Variants in EPHA6 observed in about 807,000 individuals in gnomAD.
The protein encoded by EPHA6 is ephrin type-A receptor 6.
In EPHA6, 50 loss-of-function variants were observed where a neutral mutation model predicts 112.0. The ratio of observed to expected loss-of-function variants is 0.45; its 90% confidence interval spans 0.36 to 0.56. The LOEUF (loss-of-function observed/expected upper bound fraction) is 0.56. Ranked by LOEUF, EPHA6 falls within the 20% of genes least tolerant of loss-of-function variation. The pLI is 0.00. For missense variants in EPHA6, 1,280 were observed against 1,417.4 expected (o/e 0.90, Z 1.56); for synonymous variants, 529 against 490.7 (o/e 1.08, Z -1.03).
In EPHA6 at chr3:97,218,209, T is replaced by C. The variant is rs568301972; in HGVS notation, c.1115-8055T>C. 2.6e-5 allele frequency among the ~76,000 whole-genome samples: 4 copies of C among 151,952 alleles called. No homozygotes were observed. In the South Asian group the frequency reaches 6.3e-4, roughly 24 times the overall value. On this transcript the variant is annotated intron_variant, in intron 3 of 17. Transcript: ENST00000389672. ...CCACCTGAGCTTGGGAGGTGGAGGC[T>C]GCAGTAAGCTGTGATCATGCCACTG...
At chr3:97,554,263 T>C (rs1388950441) in intron 11 of EPHA6, among the ~76,000 whole-genome samples, 1 of 152,170 alleles carries the variant, frequency 6.6e-6, no homozygotes, top group Non-Finnish European at 1.5e-5. Context: ...TGATTATCCT[T>C]CTGCCATCCA....
chr3:96,841,717 C>T (rs2034760908), intron 1 of EPHA6, among the ~76,000 whole-genome samples: 1 of 133,290 alleles, frequency 7.5e-6, no homozygotes, highest in African/African-American at 3.8e-5. Flanking sequence ...GCATGTTGAA[C>T]TTTTGTCATT....
intron 11 of EPHA6, among the ~76,000 whole-genome samples, chr3:97,563,679 T>C (rs2093223348): frequency 6.6e-6 from 1 of 152,174 alleles, no homozygotes; most frequent in South Asian, 2.1e-4. Flanking sequence ...AGAAAGTTCC[T>C]GGTCCCAATA....
intron 6 of EPHA6, among the ~76,000 whole-genome samples, chr3:97,418,355 G>A (rs1577321910): frequency 6.6e-6 from 1 of 151,900 alleles, no homozygotes; most frequent in African/African-American, 2.4e-5. Context: ...TTTTCTAGAA[G>A]GAAGTATAAC....
At chr3:96,864,005 T>C (rs970317074) in intron 1 of EPHA6, among the ~76,000 whole-genome samples, 8 of 152,086 alleles carry the variant, frequency 5.3e-5, no homozygotes, top group African/African-American at 1.7e-4. Flanking sequence ...TTAAGTGAAG[T>C]ACATATTAAA....
At chr3:97,312,292 C>G (rs950748209) in intron 5 of EPHA6, among the ~76,000 whole-genome samples, 1 of 151,636 alleles carries the variant, frequency 6.6e-6, no homozygotes, top group East Asian at 1.9e-4. Flanking sequence ...ATTATACCAA[C>G]TAGGACCTCC....
intron 2 of EPHA6, among the ~76,000 whole-genome samples, chr3:96,978,849 C>T (rs2042635061): frequency 6.6e-6 from 1 of 151,842 alleles, no homozygotes; most frequent in African/African-American, 2.4e-5. Flanking sequence ...CACTTCAGAC[C>T]CTTCTCTCAT....
At chr3:97,377,770 C>A (rs1227362753) in intron 5 of EPHA6, among the ~76,000 whole-genome samples, 3 of 152,126 alleles carry the variant, frequency 2.0e-5, no homozygotes, top group Admixed American at 2.0e-4. Flanking sequence ...ATTTGTAGAA[C>A]TTTGAACTTG....
At chr3:97,100,632 A>T (rs2047376999) in intron 3 of EPHA6, among the ~76,000 whole-genome samples, 1 of 147,044 alleles carries the variant, frequency 6.8e-6, no homozygotes, top group Non-Finnish European at 1.5e-5. Context: ...TTAGTAAGTT[A>T]AGTAGGAACA....
intron 4 of EPHA6, 46 bp from the exon 5 acceptor site, chr3:97,243,906 C>T (rs2108581568): frequency 7.2e-7 from 1 of 1,387,352 alleles, no homozygotes; most frequent in African/African-American, 1.4e-5. Context: ...CGCCATAATT[C>T]ATTGTCCTAT....
chr3:97,017,499 T>C (rs1387437800), intron 3 of EPHA6, among the ~76,000 whole-genome samples: 1 of 152,136 alleles, frequency 6.6e-6, no homozygotes, highest in African/African-American at 2.4e-5. Flanking sequence ...GCTAAAGTGC[T>C]TGGGGGCCCC....
At chr3:97,644,843 G>A (rs1157860580) in intron 14 of EPHA6, among the ~76,000 whole-genome samples, 3 of 151,888 alleles carry the variant, frequency 2.0e-5, no homozygotes, top group South Asian at 4.2e-4. Flanking sequence ...ATTCACAGCC[G>A]AATTCTACCA....
intron 3 of EPHA6, among the ~76,000 whole-genome samples, chr3:97,070,062 G>C (rs1201280608): frequency 6.6e-6 from 1 of 152,000 alleles, no homozygotes; most frequent in Admixed American, 6.6e-5. Flanking sequence ...TTATCTCAGA[G>C]CACATGTCAG....
intron 5 of EPHA6, among the ~76,000 whole-genome samples, chr3:97,316,499 T>C (rs2081844758): frequency 6.6e-6 from 1 of 151,912 alleles, no homozygotes; most frequent in Non-Finnish European, 1.5e-5. Flanking sequence ...TGAAGTGTCA[T>C]GTGTTATTTA....
chr3:97,119,963 G>A (rs1160615188), intron 3 of EPHA6, among the ~76,000 whole-genome samples: 1 of 151,836 alleles, frequency 6.6e-6, no homozygotes, highest in East Asian at 1.9e-4. Context: ...CTGAATTCCG[G>A]AGTTGCAGCC....
intron 15 of EPHA6, among the ~76,000 whole-genome samples, chr3:97,725,373 A>AT (rs1216395835): frequency 1.3e-5 from 2 of 152,132 alleles, no homozygotes; most frequent in Non-Finnish European, 2.9e-5. Context: ...CTAGGTTTAT[A>AT]TGCCAGTCTG....
chr3:97,202,930 G>A (rs924541319), intron 3 of EPHA6, among the ~76,000 whole-genome samples: 8 of 152,104 alleles, frequency 5.3e-5, no homozygotes, highest in African/African-American at 1.9e-4. Context: ...GGATCAGTCT[G>A]AAAGCATGGA....
chr3:97,735,568 A>G lies in EPHA6; in HGVS notation c.2935-357A>G, dbSNP rs1380003508. 2.0e-5 allele frequency among the ~76,000 whole-genome samples: 3 copies of G among 151,996 alleles called. No homozygotes were observed. In the East Asian group the frequency reaches 5.8e-4, roughly 29 times the overall value. On this transcript the variant is annotated intron_variant, in intron 15 of 17. Coordinates refer to ENST00000389672, the MANE Select transcript of EPHA6 (RefSeq NM_001080448.3). ...TTACTTAAGACATTTGTTATATGTT[A>G]TTTGCACTAAATGCATCAATCACAA... is the stretch of plus-strand genomic sequence containing the variant.
intron 11 of EPHA6, among the ~76,000 whole-genome samples, chr3:97,556,163 C>T (rs1016747791): frequency 3.9e-5 from 6 of 151,990 alleles, no homozygotes; most frequent in Non-Finnish European, 7.4e-5. Context: ...CCATTCCTTC[C>T]TGAAAAAACC....
Sources: allele counts gnomAD v4.1 joint callset (sites outside exome capture counted in the v4.1 genomes callset), GRCh38; gene constraint gnomAD v4.1.1; transcripts MANE v1.5; gene names NCBI Gene and HGNC (gene_info 2026-07-23, HGNC 2026-07-21).